The following KDM1B variants were observed in gnomAD, a reference collection of about 807,000 sequenced individuals.
KDM1B encodes lysine demethylase 1B.
KDM1B carries 63 observed loss-of-function variants against 107.4 expected under a neutral mutation model. The observed-to-expected ratio is 0.59, with a 90% CI of 0.48 to 0.72. The LOEUF (loss-of-function observed/expected upper bound fraction) is 0.72. KDM1B is among the 30% of genes least tolerant of loss of function. KDM1B has a pLI of 0.00. For synonymous variants in KDM1B, 363 were observed against 363.9 expected, an observed-to-expected ratio of 1.00 and a Z score of 0.03; for missense variants, 749 against 1,020.8, an observed-to-expected ratio of 0.73 and a Z score of 3.63.
chr6:18,173,104 A>G (rs1000960879), intron 7 of KDM1B, among the ~76,000 whole-genome samples: 4 of 151,964 alleles, frequency 2.6e-5, no homozygotes, highest in African/African-American at 9.7e-5. Context: ...AAAAAAAAAA[A>G]AAGTGTAATC....
Position 18,162,978 on chromosome 6 carries a change from C to G in KDM1B, c.305+54C>G. ...CTGGAGAAGGGGACCGTGGCAGGGG[C>G]AGTGCGTGTGGTCAGCTGATTAAAG... On this transcript the variant is annotated intron_variant, in intron 5 of 21. Coordinates refer to ENST00000650836, the MANE Select transcript of KDM1B (RefSeq NM_001364614.2). The surrounding 1 kb of genome is among the most constrained non-coding windows in gnomAD (Gnocchi z 4.1). The G allele has an allele frequency of 3.8e-6, 4 of 1,059,682 alleles. No individual in the cohort carries two copies. Among genetic ancestry groups the G allele is most frequent in the Non-Finnish European group, 5.9e-6 (4 of 674,404 alleles). The allele number at this position is 1,059,682 out of a possible 1,614,324, so 65.6% of individuals were successfully genotyped here.
chr6:18,207,738 A>C (rs1214760901), intron 16 of KDM1B, among the ~76,000 whole-genome samples: 1 of 152,186 alleles, frequency 6.6e-6, no homozygotes, highest in East Asian at 1.9e-4. Flanking sequence ...GCCCCAGTGC[A>C]TTTCTATTAA....
intron 5 of KDM1B, among the ~76,000 whole-genome samples, chr6:18,165,176 C>G (rs1785216393): frequency 7.2e-6 from 1 of 139,280 alleles, no homozygotes; most frequent in African/African-American, 2.7e-5. Flanking sequence ...CTCTGTCCCC[C>G]AGGCTGGAGT....
chr6:18,196,964 T>C lies in KDM1B; in HGVS notation c.970-93T>C, dbSNP rs919016253. 7.6e-6 allele frequency: 9 copies of C among 1,181,374 alleles called. No individual in the cohort carries two copies. In the East Asian group the frequency reaches 1.9e-4, roughly 25 times the overall value. 73.2% of individuals were successfully genotyped at this position (1,181,374 alleles called of 1,614,324 possible). A position where few individuals can be genotyped will look rare whatever the true frequency, so the allele number is the denominator to read the frequency against. ...TTTGAGAAATGTTGATTCAGATCTT[T>C]TACTTGTCTTTTAAATGGATTGTTT... On this transcript the variant is annotated intron_variant, in intron 10 of 21. Coordinates refer to ENST00000650836, the MANE Select transcript of KDM1B (RefSeq NM_001364614.2).
chr6:18,159,706 C>T lies in KDM1B; in HGVS notation c.-13-177C>T, dbSNP rs182496525. 2.6e-3 allele frequency among the ~76,000 whole-genome samples: 389 copies of T among 152,216 alleles called. 3 individuals are homozygous for T. Among genetic ancestry groups the T allele is most frequent in the African/African-American group, 9.0e-3 (373 of 41,538 alleles). On this transcript the variant is annotated intron_variant, in intron 2 of 21. Transcript: ENST00000650836. This position sits in a 1 kb window ranked among gnomAD's most constrained non-coding sequence, Gnocchi z 4.5. ...GAGAATCGCTTGAGCCCAGGAGTTCCAGGCTAGCCTGGGCAACATGGCAAG... is the reference window on the plus strand; with the variant it reads ...GAGAATCGCTTGAGCCCAGGAGTTCTAGGCTAGCCTGGGCAACATGGCAAG...
At chr6:18,157,866 G>T (rs1267501843) in intron 2 of KDM1B, among the ~76,000 whole-genome samples, 3 of 145,472 alleles carry the variant, frequency 2.1e-5, no homozygotes, top group African/African-American at 7.8e-5. Context: ...AGGCTGGAGT[G>T]CAGTGGTGTG....
chr6:18,159,981 A>G lies in KDM1B; in HGVS notation c.86A>G (p.Gln29Arg). The change falls in exon 3 of 22, where the codon CAG becomes CGG. Residue 29 changes from glutamine (Q) to arginine (R), a missense_variant and splice_region_variant. Coordinates refer to ENST00000650836, the MANE Select transcript of KDM1B (RefSeq NM_001364614.2). The surrounding 1 kb of genome is among the most constrained non-coding windows in gnomAD (Gnocchi z 4.5). ...DSLPLRSSGR[Q>R]AKKKATETTD... is the part of the protein sequence containing the mutation. The stretch of plus-strand genomic sequence containing the variant: ...CTTCCTTTGAGGAGCTCCGGTAGGC[A>G]GGTAGTGTTCATTTATTCATTCAAC... 12 of 1,593,826 alleles carry G rather than the reference A, an allele frequency of 7.5e-6. No individual in the cohort carries two copies. The highest frequency in any genetic ancestry group is 9.4e-6 in the Non-Finnish European group (11 of 1,171,128).
At chr6:18,165,258 G>A (rs991086945) in intron 5 of KDM1B, among the ~76,000 whole-genome samples, 3 of 145,802 alleles carry the variant, frequency 2.1e-5, no homozygotes, top group Non-Finnish European at 4.5e-5. Context: ...AGCCTCCCAA[G>A]TAGCTGGGAC....
rs905969167 is a variant in KDM1B at position 18,204,443 on chromosome 6, C to T, written c.1532-1094C>T. 1.1e-4 allele frequency among the ~76,000 whole-genome samples: 17 copies of T among 152,088 alleles called. No individual in the cohort carries two copies. The highest frequency in any genetic ancestry group is 3.9e-4 in the African/African-American group (16 of 41,402). Reference sequence around the variant, plus strand: ...GAGTCGGAATGGCACCACAGCACTCCAGCCTGGGTGACATGGTGAGACCCT... The same window carrying T: ...GAGTCGGAATGGCACCACAGCACTCTAGCCTGGGTGACATGGTGAGACCCT... On this transcript the variant is annotated intron_variant, in intron 14 of 21. Coordinates refer to ENST00000650836, the MANE Select transcript of KDM1B (RefSeq NM_001364614.2). The surrounding 1 kb of genome is among the most constrained non-coding windows in gnomAD (Gnocchi z 4.9).
intron 16 of KDM1B, 73 bp from the exon 17 acceptor site, chr6:18,208,059 T>C (rs1788508896): frequency 9.5e-7 from 1 of 1,057,176 alleles, no homozygotes; most frequent in East Asian, 2.4e-5. Context: ...ATTCATGTAA[T>C]ATGAGAATCG....
intron 9 of KDM1B, among the ~76,000 whole-genome samples, chr6:18,190,458 T>G (rs1470901678): frequency 6.8e-6 from 1 of 147,446 alleles, no homozygotes; most frequent in Non-Finnish European, 1.5e-5. Context: ...AAAAATTAGC[T>G]GGGCATGGTG....
chr6:18,176,060 G>T (rs1171599318), intron 7 of KDM1B, among the ~76,000 whole-genome samples: 1 of 152,026 alleles, frequency 6.6e-6, no homozygotes, highest in African/African-American at 2.4e-5. Context: ...TTGGCAATAT[G>T]GTCATTTTCA....
chr6:18,203,863 A>T lies in KDM1B; in HGVS notation c.1532-1674A>T, dbSNP rs1023497273. On this transcript the variant is annotated intron_variant, in intron 14 of 21. Transcript: ENST00000650836. This position sits in a 1 kb window ranked among gnomAD's most constrained non-coding sequence, Gnocchi z 5.5. ...CGAAACTCCGTCTCCAAAAAAAAAA[A>T]AAAAAAATCACATTGAGGCCTCTCT... is the stretch of plus-strand genomic sequence containing the variant. Among the ~76,000 whole-genome samples, 1 of 152,002 alleles carries T rather than the reference A, an allele frequency of 6.6e-6. No individual in the cohort carries two copies. The highest frequency in any genetic ancestry group is 1.5e-5 in the Non-Finnish European group (1 of 67,998).
intron 17 of KDM1B, among the ~76,000 whole-genome samples, chr6:18,208,660 T>A (rs1163742691): frequency 1.0e-5 from 1 of 95,998 alleles, no homozygotes; most frequent in Non-Finnish European, 2.0e-5. Context: ...TTTTTTTTTT[T>A]TTGAGATGGA....
chr6:18,171,521 G>A, intron 7 of KDM1B, 42 bp downstream of exon 7: 2 of 1,011,610 alleles, frequency 2.0e-6, no homozygotes, highest in African/African-American at 1.6e-5. Context: ...ATATATTAAT[G>A]TAGTCAGTAA....
intron 6 of KDM1B, among the ~76,000 whole-genome samples, chr6:18,167,003 A>G (rs1014620293): frequency 2.0e-5 from 3 of 152,066 alleles, no homozygotes; most frequent in African/African-American, 7.2e-5. Flanking sequence ...CTTTATATAC[A>G]TATACTGATT....
intron 6 of KDM1B, among the ~76,000 whole-genome samples, chr6:18,168,311 T>C (rs1785450405): frequency 6.6e-6 from 1 of 152,222 alleles, no homozygotes; most frequent in Non-Finnish European, 1.5e-5. Context: ...GCTTTCTGTG[T>C]TTATGGATTT....
rs1788239082 is a variant in KDM1B at position 18,204,424 on chromosome 6, G to A, written c.1532-1113G>A. Among the ~76,000 whole-genome samples the A allele has an allele frequency of 1.3e-5, 2 of 152,082 alleles. No individual in the cohort carries two copies. Among genetic ancestry groups the A allele is most frequent in the African/African-American group, 2.4e-5 (1 of 41,384 alleles). On this transcript the variant is annotated intron_variant, in intron 14 of 21. Coordinates refer to ENST00000650836, the MANE Select transcript of KDM1B (RefSeq NM_001364614.2). This position sits in a 1 kb window ranked among gnomAD's most constrained non-coding sequence, Gnocchi z 4.9. ...CGGAAGTTGAGGCTGCAGTGAGTCG[G>A]AATGGCACCACAGCACTCCAGCCTG... is the stretch of plus-strand genomic sequence containing the variant.
intron 7 of KDM1B, among the ~76,000 whole-genome samples, chr6:18,175,160 A>G (rs892798198): frequency 6.6e-6 from 1 of 152,016 alleles, no homozygotes; most frequent in East Asian, 1.9e-4. Context: ...CTGTGGTTTG[A>G]TATTTTTATT....
Sources: gnomAD v4.1 joint callset for allele counts (sites outside exome capture counted in the v4.1 genomes callset) on GRCh38, gnomAD v4.1.1 for gene constraint, Gnocchi (gnomAD v3.1) non-coding constraint, MANE v1.5 for transcripts, NCBI Gene and HGNC (gene_info 2026-07-23, HGNC 2026-07-21) for gene names.